NOMO2: variants seen among roughly 807,000 people sequenced by gnomAD.
NOMO2 encodes NODAL modulator 2.
A neutral mutation model predicts 67.1 loss-of-function variants in NOMO2; 14 were observed. The observed-to-expected ratio is 0.21, with a 90% CI of 0.14 to 0.33. NOMO2 has a LOEUF of 0.33. Ranked by LOEUF, NOMO2 falls within the 10% of genes least tolerant of loss-of-function variation. The probability of loss-of-function intolerance (pLI) is 1.00; values close to 1 mark genes in which losing one functional copy is unlikely to be tolerated. For missense variants in NOMO2, 178 were observed against 761.0 expected (o/e 0.23, Z 9.01); for synonymous variants, 80 against 305.9 (o/e 0.26, Z 7.71).
chr16:18,559,572 C>G (rs1901991159), intron 1 of NOMO2, among the ~76,000 whole-genome samples: 1 of 152,068 alleles, frequency 6.6e-6, no homozygotes, highest in South Asian at 2.1e-4. Context: ...TCAGTGACCA[C>G]AACTTCATTC....
chr16:18,526,731 C>T (rs1207214499), intron 16 of NOMO2, among the ~76,000 whole-genome samples: 2 of 151,918 alleles, frequency 1.3e-5, no homozygotes, highest in Non-Finnish European at 2.9e-5. Context: ...CAGTGGCTGG[C>T]CATGGCTAGA....
intron 6 of NOMO2, among the ~76,000 whole-genome samples, chr16:18,544,746 T>C (rs1901627242): frequency 6.6e-6 from 1 of 151,966 alleles, no homozygotes; most frequent in South Asian, 2.1e-4. Context: ...TAATTTGCCT[T>C]AAGTTGTTCT....
intron 16 of NOMO2, among the ~76,000 whole-genome samples, chr16:18,526,728 T>C (rs549283069): frequency 1.3e-5 from 2 of 152,050 alleles, no homozygotes; most frequent in African/African-American, 4.8e-5. Context: ...GATCAGTGGC[T>C]GGCCATGGCT....
At chr16:18,536,400 C>T (rs1487706526) in intron 11 of NOMO2, among the ~76,000 whole-genome samples, 1 of 152,222 alleles carries the variant, frequency 6.6e-6, no homozygotes, top group African/African-American at 2.4e-5. Context: ...ACAACACTTG[C>T]CATAATTTAG....
chr16:18,536,396 C>T (rs1178560280), intron 11 of NOMO2, among the ~76,000 whole-genome samples: 5 of 152,260 alleles, frequency 3.3e-5, no homozygotes, highest in South Asian at 2.1e-4. Context: ...CTGCACAACA[C>T]TTGCCATAAT....
chr16:18,529,146 A>C (rs1901232320), intron 15 of NOMO2, among the ~76,000 whole-genome samples: 1 of 148,156 alleles, frequency 6.7e-6, no homozygotes, highest in African/African-American at 2.5e-5. Flanking sequence ...GTAGGTATTA[A>C]GATCTCAATT....
intron 15 of NOMO2, among the ~76,000 whole-genome samples, chr16:18,528,924 C>T (rs1387041005): frequency 7.3e-5 from 10 of 136,806 alleles, no homozygotes; most frequent in African/African-American, 1.8e-4. Flanking sequence ...GCCGAGATTG[C>T]GCCACTGCAC....
At chr16:18,529,143 T>C (rs1340990470) in intron 15 of NOMO2, among the ~76,000 whole-genome samples, 28 of 147,468 alleles carry the variant, frequency 1.9e-4, no homozygotes, top group Non-Finnish European at 3.3e-4. Flanking sequence ...GAAGTAGGTA[T>C]TAAGATCTCA....
At chr16:18,560,491 T>C (rs535717889) in intron 1 of NOMO2, among the ~76,000 whole-genome samples, 43 of 151,614 alleles carry the variant, frequency 2.8e-4, no homozygotes, top group Admixed American at 4.6e-4. Flanking sequence ...ACCCTGAACG[T>C]GTCCTGTCCC....
intron 11 of NOMO2, among the ~76,000 whole-genome samples, chr16:18,536,738 C>G (rs1295895051): frequency 6.6e-6 from 1 of 152,196 alleles, no homozygotes; most frequent in African/African-American, 2.4e-5. Flanking sequence ...TTATTAGGTA[C>G]GAAGCATTTT....
intron 11 of NOMO2, among the ~76,000 whole-genome samples, chr16:18,535,429 C>A (rs1303749172): frequency 1.3e-5 from 2 of 152,060 alleles, no homozygotes; most frequent in African/African-American, 4.8e-5. Flanking sequence ...TCAACAAATG[C>A]TATTTTTCTT....
At chr16:18,535,737 C>T (rs914311735) in intron 11 of NOMO2, among the ~76,000 whole-genome samples, 1 of 151,966 alleles carries the variant, frequency 6.6e-6, no homozygotes, top group African/African-American at 2.4e-5. Context: ...CACACAGCAG[C>T]CAGGAAGAAA....
intron 1 of NOMO2, among the ~76,000 whole-genome samples, chr16:18,561,226 G>T (rs1239968203): frequency 2.9e-5 from 4 of 140,124 alleles, no homozygotes; most frequent in African/African-American, 1.1e-4. Context: ...AATCTCTAGG[G>T]TAATTCCATT....
rs1454017122 is a variant in NOMO2 at position 18,562,072 on chromosome 16, G to T, written c.-32C>A. 10 of 1,412,482 alleles carry T rather than the reference G, an allele frequency of 7.1e-6. No individual in the cohort carries two copies. In the South Asian group the frequency reaches 1.3e-4, roughly 18 times the overall value. 87.5% of individuals were successfully genotyped at this position (1,412,482 alleles called of 1,614,324 possible). A position where few individuals can be genotyped will look rare whatever the true frequency, so the allele number is the denominator to read the frequency against. ...ACCTCCCCCAGCTAGACCCACCGCC[G>T]GCAGCCGGGTCCCGCCCCTCACACT... On this transcript the variant is annotated 5_prime_UTR_variant, in exon 1 of 31. Transcript: ENST00000622306.
At chr16:18,557,899 T>C in intron 1 of NOMO2, 108 bp from the exon 2 acceptor site, 7 of 1,592,688 alleles carry the variant, frequency 4.4e-6, no homozygotes, top group Non-Finnish European at 6.0e-6. Flanking sequence ...GAGGACCTAC[T>C]ATATACCAGC....
intron 1 of NOMO2, chr16:18,558,978 C>G (rs904007802): frequency 7.3e-6 from 3 of 413,784 alleles, no homozygotes; most frequent in African/African-American, 6.1e-5. Flanking sequence ...CCAGCCTGGA[C>G]AACACAGCCA....
intron 16 of NOMO2, among the ~76,000 whole-genome samples, chr16:18,526,167 G>C (rs1901141947): frequency 6.6e-6 from 1 of 151,910 alleles, no homozygotes; most frequent in Non-Finnish European, 1.5e-5. Flanking sequence ...GAACCAAACA[G>C]AGGAGCCACT....
intron 1 of NOMO2, among the ~76,000 whole-genome samples, chr16:18,561,196 A>AAAAC (rs1567249259): frequency 4.3e-5 from 2 of 46,178 alleles, no homozygotes; most frequent in Non-Finnish European, 5.1e-5. Context: ...AAAAAAAAAA[A>AAAAC]AAAAAAAAAA....
chr16:18,548,096 G>A lies in NOMO2; in HGVS notation c.510-796C>T, dbSNP rs1158986723. Among the ~76,000 whole-genome samples the A allele has an allele frequency of 3.1e-5, 4 of 127,828 alleles. No individual in the cohort carries two copies. In the South Asian group the frequency reaches 8.4e-4, roughly 27 times the overall value. 83.9% of individuals were successfully genotyped at this position (127,828 alleles called of 152,430 possible). A position where few individuals can be genotyped will look rare whatever the true frequency, so the allele number is the denominator to read the frequency against. ...TATTTTATTGTATCAAATCTTGCCT[G>A]CAATAACTGGATAGGGCTTGGAAAT... On this transcript the variant is annotated intron_variant, in intron 5 of 30. Coordinates refer to ENST00000622306, the MANE Select transcript of NOMO2 (RefSeq NM_173614.4).
Sources: allele counts gnomAD v4.1 joint callset (sites outside exome capture counted in the v4.1 genomes callset), GRCh38; gene constraint gnomAD v4.1.1; transcripts MANE v1.5; gene names NCBI Gene and HGNC (gene_info 2026-07-23, HGNC 2026-07-21).